GRIK2: variants seen among roughly 807,000 people sequenced by gnomAD.
GRIK2 encodes glutamate ionotropic receptor kainate type subunit 2.
A neutral mutation model predicts 100.3 loss-of-function variants in GRIK2; 32 were observed. That is an observed-to-expected ratio of 0.32 (90% confidence interval 0.24 to 0.43). The LOEUF (loss-of-function observed/expected upper bound fraction) is 0.43. Among genes scored for constraint, GRIK2 ranks in the 20% least tolerant of loss-of-function variants. The probability of loss-of-function intolerance (pLI) is 1.00; values close to 1 mark genes in which losing one functional copy is unlikely to be tolerated. For missense variants in GRIK2, 843 were observed against 1,114.9 expected, an observed-to-expected ratio of 0.76 and a Z score of 3.47; for synonymous variants, 417 against 389.4, an observed-to-expected ratio of 1.07 and a Z score of -0.83.
intron 2 of GRIK2, among the ~76,000 whole-genome samples, chr6:101,457,192 G>C (rs1771054928): frequency 6.6e-6 from 1 of 152,124 alleles, no homozygotes; most frequent in Non-Finnish European, 1.5e-5. Flanking sequence ...AACAAATTCA[G>C]TGTGTCTGTT....
chr6:102,051,995 T>C (rs1372959534), intron 15 of GRIK2, among the ~76,000 whole-genome samples: 1 of 152,170 alleles, frequency 6.6e-6, no homozygotes. Flanking sequence ...TGGGAGGAAC[T>C]GTCTCTATCT....
chr6:101,788,780 C>A (rs529108547), intron 7 of GRIK2, among the ~76,000 whole-genome samples: 1 of 152,102 alleles, frequency 6.6e-6, no homozygotes, highest in Non-Finnish European at 1.5e-5. Flanking sequence ...CCTGAGGAAT[C>A]GCCACACTGA....
At chr6:101,558,571 G>T (rs536667810) in intron 2 of GRIK2, among the ~76,000 whole-genome samples, 1 of 152,080 alleles carries the variant, frequency 6.6e-6, no homozygotes, top group African/African-American at 2.4e-5. Context: ...TGGGAATGTG[G>T]TAGGGGTGGG....
At chr6:101,498,017 C>A (rs1304230429) in intron 2 of GRIK2, among the ~76,000 whole-genome samples, 1 of 115,434 alleles carries the variant, frequency 8.7e-6, no homozygotes, top group Non-Finnish European at 1.7e-5. Context: ...TCCCTCCCCC[C>A]TCCCCCCACC....
chr6:101,768,171 A>G (rs544578866), intron 7 of GRIK2, among the ~76,000 whole-genome samples: 50 of 152,256 alleles, frequency 3.3e-4, no homozygotes, highest in African/African-American at 1.2e-3. Context: ...TATAATTTTA[A>G]TAGTGTTATT....
chr6:101,547,626 A>AT (rs1198320955), intron 2 of GRIK2, among the ~76,000 whole-genome samples: 1 of 152,194 alleles, frequency 6.6e-6, no homozygotes, highest in African/African-American at 2.4e-5. Context: ...AGCTTCATCT[A>AT]TGTCCCTACA....
At chr6:101,941,611 G>C (rs951914993) in intron 14 of GRIK2, among the ~76,000 whole-genome samples, 11 of 152,052 alleles carry the variant, frequency 7.2e-5, no homozygotes, top group Admixed American at 2.0e-4. Context: ...CTTTTGGACT[G>C]TTATACAATG....
rs112696964 is a variant in GRIK2, at chr6:101,488,338, G to T, written c.115+88946G>T. ...TGTCTTCATAGGTTACATAGGCAGAGAATGTGAAAGAGGTCATGAGTTGTG... is the reference window on the plus strand; with the variant it reads ...TGTCTTCATAGGTTACATAGGCAGATAATGTGAAAGAGGTCATGAGTTGTG... On this transcript the variant is annotated intron_variant, in intron 2 of 16. Coordinates refer to ENST00000369134, the MANE Select transcript of GRIK2 (RefSeq NM_021956.5). Among the ~76,000 whole-genome samples the T allele has an allele frequency of 5.4e-5, 8 of 146,910 alleles. 2 individuals are homozygous for T. Among genetic ancestry groups the T allele is most frequent in the African/African-American group, 2.1e-4 (8 of 38,680 alleles).
At chr6:101,748,464 T>G (rs1346413565) in intron 7 of GRIK2, among the ~76,000 whole-genome samples, 1 of 152,142 alleles carries the variant, frequency 6.6e-6, no homozygotes. Flanking sequence ...AGTATATTAA[T>G]TAAACCATAT....
At chr6:102,005,057 A>G (rs1357432516) in intron 14 of GRIK2, among the ~76,000 whole-genome samples, 2 of 151,616 alleles carry the variant, frequency 1.3e-5, no homozygotes, top group East Asian at 3.9e-4. Context: ...TTCTTTTTAC[A>G]TATTTTGTTA....
intron 14 of GRIK2, among the ~76,000 whole-genome samples, chr6:102,023,329 T>C (rs1159647110): frequency 6.6e-6 from 1 of 151,114 alleles, no homozygotes; most frequent in Non-Finnish European, 1.5e-5. Flanking sequence ...ATGTTGTCAG[T>C]AAAAAGGGAG....
intron 2 of GRIK2, among the ~76,000 whole-genome samples, chr6:101,607,328 C>T (rs1779482639): frequency 6.6e-6 from 1 of 151,950 alleles, no homozygotes; most frequent in Non-Finnish European, 1.5e-5. Flanking sequence ...ATTATATAAA[C>T]ATGTACACTG....
chr6:101,843,683 G>A (rs374899880), intron 10 of GRIK2, among the ~76,000 whole-genome samples: 4 of 152,238 alleles, frequency 2.6e-5, no homozygotes, highest in South Asian at 4.2e-4. Context: ...AATCACATAG[G>A]AAGTTGTTTT....
intron 4 of GRIK2, among the ~76,000 whole-genome samples, chr6:101,666,255 C>T (rs1404227623): frequency 1.3e-5 from 2 of 152,318 alleles, no homozygotes; most frequent in Non-Finnish European, 2.9e-5. Context: ...GGTCCGTGCC[C>T]AGACTTTTCA....
chr6:102,003,718 A>T (rs1323506477), intron 14 of GRIK2, among the ~76,000 whole-genome samples: 1 of 151,758 alleles, frequency 6.6e-6, no homozygotes, highest in African/African-American at 2.4e-5. Flanking sequence ...CAACTATTCA[A>T]CAATATTATT....
chr6:101,616,113 T>C (rs1779881301), intron 2 of GRIK2, among the ~76,000 whole-genome samples: 1 of 151,740 alleles, frequency 6.6e-6, no homozygotes, highest in South Asian at 2.1e-4. Flanking sequence ...ACTAATGCCT[T>C]CTCTTTTCTA....
chr6:101,674,151 G>A (rs1159572909), intron 4 of GRIK2, among the ~76,000 whole-genome samples: 4 of 152,134 alleles, frequency 2.6e-5, no homozygotes, highest in African/African-American at 9.7e-5. Flanking sequence ...ATGCCAAAGT[G>A]GTTCAAAGAC....
chr6:101,946,054 C>A lies in GRIK2; in HGVS notation c.2085+17422C>A, dbSNP rs781462168. The stretch of plus-strand genomic sequence containing the variant: ...ATAAGTAAAATAAGCCAGGATAAAC[C>A]ATTTTACATACCCTAATTGTTACAA... On this transcript the variant is annotated intron_variant, in intron 14 of 16. Transcript: ENST00000369134. Among the ~76,000 whole-genome samples the A allele has an allele frequency of 1.0e-3, 153 of 151,130 alleles. 3 individuals are homozygous for A. Among genetic ancestry groups the A allele is most frequent in the South Asian group, 2.1e-4 (1 of 4,782 alleles).
At chr6:102,054,935 T>A (rs981096214) in intron 15 of GRIK2, among the ~76,000 whole-genome samples, 3 of 152,144 alleles carry the variant, frequency 2.0e-5, no homozygotes, top group Non-Finnish European at 4.4e-5. Flanking sequence ...TCACAACTTT[T>A]CTGGTCTAAA....
Sources: gnomAD v4.1 joint callset for allele counts (sites outside exome capture counted in the v4.1 genomes callset) on GRCh38, gnomAD v4.1.1 for gene constraint, MANE v1.5 for transcripts, NCBI Gene and HGNC (gene_info 2026-07-23, HGNC 2026-07-21) for gene names.